Variants in SLC33A1 observed in about 807,000 individuals in gnomAD.
The protein encoded by SLC33A1 is acetyl-coenzyme A transporter 1.
Under a neutral mutation model 50.0 loss-of-function variants are expected in SLC33A1, and 20 were observed. The ratio of observed to expected loss-of-function variants is 0.40; its 90% CI spans 0.28 to 0.58. The LOEUF (loss-of-function observed/expected upper bound fraction) is 0.58, where lower values mean the gene tolerates loss of function less well. Ranked by LOEUF, SLC33A1 falls within the 20% of genes least tolerant of loss-of-function variation. The pLI, the probability that SLC33A1 is intolerant of heterozygous loss-of-function variation, is 0.44. For missense variants in SLC33A1, 476 were observed against 657.0 expected (o/e 0.72, Z 3.01); for synonymous variants, 265 against 251.8 (o/e 1.05, Z -0.50).
chr3:155,842,852 TA>T, intron 1 of SLC33A1: 2 of 270,018 alleles, frequency 7.4e-6, no homozygotes, highest in South Asian at 1.1e-4. Flanking sequence ...CTACAAAAAA[TA>T]AGAAATTAGC....
At chr3:155,839,632 G>T (rs1752846371) in intron 2 of SLC33A1, among the ~76,000 whole-genome samples, 1 of 151,982 alleles carries the variant, frequency 6.6e-6, no homozygotes, top group South Asian at 2.1e-4. Flanking sequence ...AATTATATAT[G>T]ATTCAATTTC....
chr3:155,840,214 A>T (rs1752873214), intron 2 of SLC33A1, among the ~76,000 whole-genome samples: 1 of 151,078 alleles, frequency 6.6e-6, no homozygotes, highest in Non-Finnish European at 1.5e-5. Flanking sequence ...CATCCTCCCG[A>T]GTAGCTGGGC....
chr3:155,834,011 C>G lies in SLC33A1; in HGVS notation c.994G>C (p.Gly332Arg). The G allele has an allele frequency of 6.2e-7, 1 of 1,613,908 alleles. No homozygotes were observed. Among genetic ancestry groups the G allele is most frequent in the Non-Finnish European group, 8.5e-7 (1 of 1,179,888 alleles). Residue 332 changes from glycine to arginine, a missense_variant, in exon 3 of 6, where the codon GGA (glycine) becomes CGA (arginine). By Grantham distance (125) the Gly-to-Arg change is moderately radical. Transcript: ENST00000643144. ...IGFSAADAVT[G>R]LKLVEEGVPK... The stretch of plus-strand genomic sequence containing the variant: ...ACTCCCTCTTCTACCAATTTCAGTC[C>G]TGTTACAGCATCTGCTGCTGAAAAA...
intron 2 of SLC33A1, among the ~76,000 whole-genome samples, chr3:155,838,011 T>C (rs1304344205): frequency 6.6e-6 from 1 of 152,158 alleles, no homozygotes; most frequent in Non-Finnish European, 1.5e-5. Context: ...TGCTTAATAA[T>C]CTATTGGCTG....
intron 4 of SLC33A1, among the ~76,000 whole-genome samples, chr3:155,831,317 G>A (rs572360580): frequency 1.4e-4 from 22 of 152,040 alleles, no homozygotes; most frequent in Admixed American, 4.6e-4. Flanking sequence ...TCAGCTGGGT[G>A]AGGTGGTGCT....
At chr3:155,842,096 C>T (rs1752959605) in intron 2 of SLC33A1, among the ~76,000 whole-genome samples, 1 of 152,112 alleles carries the variant, frequency 6.6e-6, no homozygotes, top group African/African-American at 2.4e-5. Flanking sequence ...ATTACTACAA[C>T]ATTAAATGTA....
At position 155,842,408 on chromosome 3, in the gene SLC33A1, A is replaced by G. The variant is rs201312848; in HGVS notation, c.963+24T>C. On this transcript the variant is annotated intron_variant, in intron 2 of 5. Coordinates refer to ENST00000643144, the MANE Select transcript of SLC33A1 (RefSeq NM_004733.4). ...ATATTGATACTTATAAGAAAATGAT[A>G]AATTTGATTTATAAATCTCTTACCT... 5.5e-5 allele frequency: 83 copies of G among 1,504,884 alleles called. No homozygotes were observed. The Admixed American group carries it at 1.3e-3, about 24-fold the overall frequency. 93.2% of individuals were successfully genotyped at this position (1,504,884 alleles called of 1,614,324 possible).
chr3:155,841,984 G>C (rs552806485), intron 2 of SLC33A1, among the ~76,000 whole-genome samples: 1 of 152,162 alleles, frequency 6.6e-6, no homozygotes, highest in South Asian at 2.1e-4. Context: ...CTGACCTCCG[G>C]TAATCCACCT....
chr3:155,841,051 T>C (rs191277729), intron 2 of SLC33A1, among the ~76,000 whole-genome samples: 70 of 151,918 alleles, frequency 4.6e-4, no homozygotes, highest in Middle Eastern at 3.4e-3. Flanking sequence ...TTCCATTCTT[T>C]TTTTTTTTCT....
chr3:155,830,678 C>T (rs964723453), intron 4 of SLC33A1, among the ~76,000 whole-genome samples: 3 of 151,914 alleles, frequency 2.0e-5, no homozygotes, highest in Non-Finnish European at 2.9e-5. Flanking sequence ...CATATTTGTA[C>T]TGTACCTAAA....
rs1327289968 is a variant in SLC33A1 at position 155,821,937 on chromosome 3, T to C, written c.*6273A>G. 1.3e-5 allele frequency: 2 copies of C among 151,852 alleles called. No homozygotes were observed. Among genetic ancestry groups the C allele is most frequent in the African/African-American group, 2.4e-5 (1 of 41,286 alleles). 9.4% of individuals were successfully genotyped at this position (151,852 alleles called of 1,614,324 possible). ...ACAGGTGCCCACCACCATGCCCGGC[T>C]AATTTCTGTATTTGCAGTAGAGACA... is the stretch of plus-strand genomic sequence containing the variant. On this transcript the variant is annotated 3_prime_UTR_variant, in exon 6 of 6. Coordinates refer to ENST00000643144, the MANE Select transcript of SLC33A1 (RefSeq NM_004733.4).
At chr3:155,842,817 T>C in intron 1 of SLC33A1, 198 bp from the exon 2 acceptor site, 1 of 367,478 alleles carries the variant, frequency 2.7e-6, no homozygotes, top group South Asian at 3.4e-5. Flanking sequence ...AAGACCAGCC[T>C]GGGCAACATA....
Position 155,833,536 on chromosome 3 carries a change from C to G in SLC33A1, c.1198G>C (p.Val400Leu). ...ATAGGGAATCCCCCTTGATGTTCTA[C>G]TTTAGGAGTCCACCAAACCAGTAGG... ...YALLVWWTPK[V>L]EHQGGFPIYY... Residue 400 changes from valine (V) to leucine (L), a missense_variant, in exon 4 of 6, where the codon GTA becomes CTA. Transcript: ENST00000643144. 1 of 1,605,194 alleles carries G rather than the reference C, an allele frequency of 6.2e-7. No homozygotes were observed. The highest frequency in any genetic ancestry group is 8.5e-7 in the Non-Finnish European group (1 of 1,172,110).
chr3:155,832,315 T>G (rs898853196), intron 4 of SLC33A1, among the ~76,000 whole-genome samples: 12 of 150,072 alleles, frequency 8.0e-5, no homozygotes, highest in Non-Finnish European at 1.6e-4. Flanking sequence ...GAGGCGGAGG[T>G]TGCGGTGACC....
chr3:155,852,054 C>T (rs1289332965), intron 1 of SLC33A1, among the ~76,000 whole-genome samples: 2 of 152,208 alleles, frequency 1.3e-5, no homozygotes, highest in Non-Finnish European at 2.9e-5. Flanking sequence ...AATTCATCAT[C>T]ACTGACAGAA....
At position 155,854,132 on chromosome 3, in the gene SLC33A1, A is replaced by T; in HGVS notation, c.-135T>A. 1.5e-6 allele frequency: 1 copy of T among 655,860 alleles called. No homozygotes were observed. The highest frequency in any genetic ancestry group is 2.5e-6 in the Non-Finnish European group (1 of 403,170). 40.6% of individuals were successfully genotyped at this position (655,860 alleles called of 1,614,324 possible). A position where few individuals can be genotyped will look rare whatever the true frequency, so the allele number is the denominator to read the frequency against. On this transcript the variant is annotated 5_prime_UTR_variant, in exon 1 of 6. Coordinates refer to ENST00000643144, the MANE Select transcript of SLC33A1 (RefSeq NM_004733.4). Reference sequence around the variant, plus strand: ...CGGGATGGTGGCAGGGCTCAGAGCGATAAGGGCACTTCTTACTGCAGCCCG... The same window carrying T: ...CGGGATGGTGGCAGGGCTCAGAGCGTTAAGGGCACTTCTTACTGCAGCCCG...
chr3:155,833,653 A>C, intron 3 of SLC33A1, 68 bp from the exon 4 acceptor site: 1 of 1,040,398 alleles, frequency 9.6e-7, no homozygotes, highest in Non-Finnish European at 1.5e-6. Flanking sequence ...AAAAACAGAA[A>C]TCCGTGTGCC....
intron 3 of SLC33A1, 101 bp downstream of exon 3, chr3:155,833,756 C>A: frequency 9.2e-7 from 1 of 1,084,146 alleles, no homozygotes; most frequent in South Asian, 1.3e-5. Context: ...CTTTTCAAAT[C>A]TTTTTCCATA....
At chr3:155,833,445 T>C (rs770365197) in intron 4 of SLC33A1, 23 bp downstream of exon 4, 9 of 1,097,186 alleles carry the variant, frequency 8.2e-6, no homozygotes, top group Non-Finnish European at 1.3e-5. Flanking sequence ...GTTTATTTCC[T>C]GAGAAAACCA....
Sources: allele counts gnomAD v4.1 joint callset (sites outside exome capture counted in the v4.1 genomes callset), GRCh38; gene constraint gnomAD v4.1.1; transcripts MANE v1.5; gene names NCBI Gene and HGNC (gene_info 2026-07-23, HGNC 2026-07-21).